Variants in MANBA observed in about 807,000 individuals in gnomAD.
MANBA encodes mannosidase beta.
MANBA carries 83 observed loss-of-function variants against 111.1 expected under a neutral mutation model. The observed-to-expected ratio is 0.75, with a 90% CI of 0.63 to 0.90. The LOEUF is 0.90. MANBA is among the 40% of genes least tolerant of loss of function. The pLI, the probability that MANBA is intolerant of heterozygous loss-of-function variation, is 0.00. For missense variants in MANBA, 1,036 were observed against 1,069.0 expected (o/e 0.97, Z 0.43); for synonymous variants, 370 against 378.7 (o/e 0.98, Z 0.27).
intron 5 of MANBA, among the ~76,000 whole-genome samples, chr4:102,695,101 A>T (rs1254326829): frequency 6.6e-6 from 1 of 152,180 alleles, no homozygotes; most frequent in Non-Finnish European, 1.5e-5. Flanking sequence ...CATAGCCTAG[A>T]TTAATGTATA....
At chr4:102,675,304 A>T (rs992852124) in intron 7 of MANBA, among the ~76,000 whole-genome samples, 1 of 152,160 alleles carries the variant, frequency 6.6e-6, no homozygotes, top group Non-Finnish European at 1.5e-5. Flanking sequence ...TTTTCCAGAG[A>T]CTACATGATG....
chr4:102,758,400 A>G (rs1724105620), intron 1 of MANBA, among the ~76,000 whole-genome samples: 1 of 152,204 alleles, frequency 6.6e-6, no homozygotes, highest in Non-Finnish European at 1.5e-5. Flanking sequence ...CACAAACACA[A>G]TATTTGGCCC....
chr4:102,691,514 CTTT>C (rs544931674), intron 5 of MANBA, among the ~76,000 whole-genome samples: 42 of 137,006 alleles, frequency 3.1e-4, no homozygotes, highest in Non-Finnish European at 3.2e-4. Context: ...TTTCTTTTTC[CTTT>C]TTTTTTTTTT....
chr4:102,668,700 A>G (rs1731340175), intron 10 of MANBA: 1 of 439,154 alleles, frequency 2.3e-6, no homozygotes, highest in Admixed American at 3.5e-5. Flanking sequence ...CTCCAAGCAG[A>G]GGCACCAGGT....
intron 5 of MANBA, among the ~76,000 whole-genome samples, chr4:102,699,683 C>G (rs1426763817): frequency 6.7e-6 from 1 of 150,372 alleles, no homozygotes; most frequent in Non-Finnish European, 1.5e-5. Context: ...TATATTGAAC[C>G]AGCCTTGCAT....
At chr4:102,638,080 G>A (rs1292872054) in intron 14 of MANBA, among the ~76,000 whole-genome samples, 1 of 152,160 alleles carries the variant, frequency 6.6e-6, no homozygotes, top group Non-Finnish European at 1.5e-5. Flanking sequence ...CATATATTTG[G>A]TCACAGAAGT....
chr4:102,722,012 A>G (rs1722598443), intron 4 of MANBA, among the ~76,000 whole-genome samples: 1 of 144,556 alleles, frequency 6.9e-6, no homozygotes, highest in Non-Finnish European at 1.5e-5. Flanking sequence ...CCTGGGCGAC[A>G]GAGTGTGACC....
At chr4:102,717,898 G>A (rs570491358) in intron 4 of MANBA, among the ~76,000 whole-genome samples, 187 of 152,324 alleles carry the variant, frequency 1.2e-3, no homozygotes, top group Non-Finnish European at 1.3e-3. Flanking sequence ...GAAAAGCAGT[G>A]CTGTGATCAT....
At chr4:102,729,694 TC>T in intron 1 of MANBA, 1 of 1,556,588 alleles carries the variant, frequency 6.4e-7, no homozygotes, top group Non-Finnish European at 8.8e-7. Context: ...GCCTCCAGCT[TC>T]AGCTTCTCCT....
intron 5 of MANBA, among the ~76,000 whole-genome samples, chr4:102,703,232 G>A (rs1733142746): frequency 6.6e-6 from 1 of 152,194 alleles, no homozygotes; most frequent in Non-Finnish European, 1.5e-5. Context: ...CCAGGCTCAA[G>A]TAATCCTCCT....
intron 4 of MANBA, among the ~76,000 whole-genome samples, chr4:102,721,864 C>CA (rs944472976): frequency 3.3e-5 from 5 of 150,790 alleles, no homozygotes; most frequent in Non-Finnish European, 7.4e-5. Flanking sequence ...CCTGTCTCTA[C>CA]AAAAAAAATA....
At chr4:102,741,505 C>T (rs536375079) in intron 1 of MANBA, among the ~76,000 whole-genome samples, 2 of 152,284 alleles carry the variant, frequency 1.3e-5, no homozygotes, top group Non-Finnish European at 2.9e-5. Flanking sequence ...TATAGCACCA[C>T]AATTCGCAAT....
intron 5 of MANBA, among the ~76,000 whole-genome samples, chr4:102,698,672 T>C (rs965424013): frequency 9.2e-5 from 14 of 152,132 alleles, no homozygotes; most frequent in Non-Finnish European, 1.5e-4. Flanking sequence ...GTTGTAGATA[T>C]ACAGCGTTAT....
intron 1 of MANBA, among the ~76,000 whole-genome samples, chr4:102,745,601 T>C (rs949065077): frequency 3.9e-5 from 6 of 152,190 alleles, no homozygotes; most frequent in African/African-American, 1.4e-4. Context: ...AGATCAGGCA[T>C]TTCCAGCTTG....
Position 102,650,529 on chromosome 4 carries a change from C to T in MANBA, c.1869+8G>A, listed in dbSNP as rs1242835560. 5 of 1,608,056 alleles carry T rather than the reference C, an allele frequency of 3.1e-6. No homozygotes were observed. The highest frequency in any genetic ancestry group is 3.3e-5 in the Admixed American group (2 of 59,968). On this transcript the variant is annotated splice_region_variant and intron_variant, in intron 13 of 16. Coordinates refer to ENST00000647097, the MANE Select transcript of MANBA (RefSeq NM_005908.4). Reference sequence around the variant, plus strand: ...AACCTGTTCAATTCTAGAATGAAAACAACTTACCTGAGTAAGGTAGATGGT... The same window carrying T: ...AACCTGTTCAATTCTAGAATGAAAATAACTTACCTGAGTAAGGTAGATGGT...
At chr4:102,750,607 G>T (rs1001471111) in intron 1 of MANBA, among the ~76,000 whole-genome samples, 2 of 152,122 alleles carry the variant, frequency 1.3e-5, no homozygotes, top group African/African-American at 4.8e-5. Flanking sequence ...TGTGATAACT[G>T]GGATTACTTT....
intron 1 of MANBA, among the ~76,000 whole-genome samples, chr4:102,737,962 C>T (rs1723279892): frequency 6.6e-6 from 1 of 152,194 alleles, no homozygotes; most frequent in Non-Finnish European, 1.5e-5. Context: ...TGGATTTTCT[C>T]TACCAGACCT....
chr4:102,726,110 A>AG (rs1487137829), intron 2 of MANBA, among the ~76,000 whole-genome samples: 3 of 152,172 alleles, frequency 2.0e-5, no homozygotes, highest in Admixed American at 2.0e-4. Flanking sequence ...CAAAAAAAAA[A>AG]AATCACATAA....
intron 5 of MANBA, among the ~76,000 whole-genome samples, chr4:102,693,823 T>C (rs976309796): frequency 2.0e-5 from 3 of 151,446 alleles, no homozygotes; most frequent in African/African-American, 7.4e-5. Flanking sequence ...ATTCCAACCT[T>C]TCTTTAAATA....
Sources: allele counts gnomAD v4.1 joint callset (sites outside exome capture counted in the v4.1 genomes callset), GRCh38; gene constraint gnomAD v4.1.1; transcripts MANE v1.5; gene names NCBI Gene and HGNC (gene_info 2026-07-23, HGNC 2026-07-21).